Variants in LAMB4 observed in about 807,000 individuals in gnomAD.
LAMB4 encodes the protein laminin subunit beta 4.
In LAMB4, 196 loss-of-function variants were observed where a neutral mutation model predicts 199.2. The observed-to-expected ratio is 0.98, with a 90% CI of 0.88 to 1.11. The LOEUF (loss-of-function observed/expected upper bound fraction) is 1.11. Among genes scored for constraint, LAMB4 ranks in the 50% least tolerant of loss-of-function variants. The pLI is 0.00. For missense variants in LAMB4, 2,080 were observed against 2,171.2 expected, an observed-to-expected ratio of 0.96 and a Z score of 0.83; for synonymous variants, 744 against 770.6, an observed-to-expected ratio of 0.97 and a Z score of 0.57.
chr7:108,020,385 C>T (rs556863032), downstream of LAMB4, among the ~76,000 whole-genome samples: 43 of 147,674 alleles, frequency 2.9e-4, no homozygotes, highest in African/African-American at 9.5e-4. Flanking sequence ...CCAGGAGAAT[C>T]GTTTGAACCT....
At chr7:108,033,497 G>A (rs774431789) in intron 31 of LAMB4, among the ~76,000 whole-genome samples, 123 of 152,034 alleles carry the variant, frequency 8.1e-4, no homozygotes, top group Non-Finnish European at 4.1e-4. Context: ...TGCAACCTCC[G>A]CCCCCTGGAG....
chr7:108,104,348 A>C, intron 9 of LAMB4, 151 bp downstream of exon 9: 1 of 794,284 alleles, frequency 1.3e-6, no homozygotes, highest in Non-Finnish European at 1.9e-6. Flanking sequence ...TATGTGGGAT[A>C]ATTGGGAACA....
intron 30 of LAMB4, among the ~76,000 whole-genome samples, chr7:108,035,596 G>T (rs1356652300): frequency 1.5e-5 from 1 of 65,248 alleles, no homozygotes; most frequent in Non-Finnish European, 2.9e-5. Context: ...AGCAAATTTA[G>T]AGAGTACCAA....
the LAMB4 span, among the ~76,000 whole-genome samples, chr7:108,015,135 C>T: frequency 4.6e-5 from 7 of 152,156 alleles, no homozygotes; most frequent in Admixed American, 4.6e-4. Context: ...TTTCTTGTTT[C>T]CAAGTAAAAG....
At chr7:108,080,544 G>A (rs954473996) in intron 14 of LAMB4, among the ~76,000 whole-genome samples, 3 of 151,996 alleles carry the variant, frequency 2.0e-5, no homozygotes, top group Admixed American at 1.3e-4. Flanking sequence ...CTTTCTAACT[G>A]CCAACAGAAT....
At chr7:108,018,751 T>C (rs535418718), downstream of LAMB4, among the ~76,000 whole-genome samples, 3 of 152,246 alleles carry the variant, frequency 2.0e-5, no homozygotes, top group East Asian at 5.8e-4. Flanking sequence ...CTGCCTTCAA[T>C]GTTCAGTTGT....
intron 1 of LAMB4, among the ~76,000 whole-genome samples, chr7:108,126,311 G>A (rs73428721): frequency 0.037 from 5,612 of 152,002 alleles, 342 homozygotes; most frequent in African/African-American, 0.12. Context: ...GTGTGCAACC[G>A]ATCTCCAGAA....
At chr7:108,105,776 C>T in intron 8 of LAMB4, 41 bp downstream of exon 8, 1 of 1,548,928 alleles carries the variant, frequency 6.5e-7, no homozygotes, top group Middle Eastern at 1.7e-4. Context: ...CAGTGAAAGG[C>T]AGGTAGGACA....
At position 108,037,612 on chromosome 7, in the gene LAMB4, G is replaced by A. The variant is rs773768580; in HGVS notation, c.4472-17C>T. 9 of 1,592,622 alleles carry A rather than the reference G, an allele frequency of 5.7e-6. No individual in the cohort carries two copies. The highest frequency in any genetic ancestry group is 5.5e-5 in the South Asian group (5 of 90,512). The stretch of plus-strand genomic sequence containing the variant: ...CGTTTTCCTCTTAAATAAGAAGCAG[G>A]GTTTTAGGTAATCATGTCTCCTTAA... On this transcript the variant is annotated splice_polypyrimidine_tract_variant and intron_variant, in intron 29 of 33. Transcript: ENST00000388781.
At chr7:108,121,836 G>A (rs1407457037) in intron 2 of LAMB4, among the ~76,000 whole-genome samples, 2 of 151,870 alleles carry the variant, frequency 1.3e-5, no homozygotes, top group Non-Finnish European at 2.9e-5. Context: ...CACTTTTTAT[G>A]ATTATTTCTC....
chr7:108,012,604 A>AT, the LAMB4 span, among the ~76,000 whole-genome samples: 1 of 152,244 alleles, frequency 6.6e-6, no homozygotes, highest in African/African-American at 2.4e-5. Context: ...TAATGAATTT[A>AT]CTGAATGACA....
intron 2 of LAMB4, among the ~76,000 whole-genome samples, chr7:108,121,668 T>G (rs570543773): frequency 6.6e-6 from 1 of 151,852 alleles, no homozygotes; most frequent in African/African-American, 2.4e-5. Flanking sequence ...GAGAATTGCT[T>G]GAACCCAGGA....
intron 20 of LAMB4, 99 bp from the exon 21 acceptor site, chr7:108,066,018 A>T: frequency 8.5e-7 from 1 of 1,181,040 alleles, no homozygotes; most frequent in East Asian, 2.4e-5. Flanking sequence ...ACCTCTGAAA[A>T]CTGAATATTT....
At chr7:108,028,660 A>G (rs1035823860) in intron 33 of LAMB4, among the ~76,000 whole-genome samples, 3 of 151,926 alleles carry the variant, frequency 2.0e-5, no homozygotes, top group African/African-American at 7.3e-5. Context: ...TATTTTTAGT[A>G]GAAACGGGGT....
chr7:108,089,777 C>T (rs2037327696), intron 14 of LAMB4, among the ~76,000 whole-genome samples: 1 of 152,210 alleles, frequency 6.6e-6, no homozygotes, highest in Admixed American at 6.5e-5. Flanking sequence ...ATCCTTCTAC[C>T]TCAGCTTCCT....
At chr7:108,038,306 T>C (rs773882870) in intron 29 of LAMB4, among the ~76,000 whole-genome samples, 24 of 152,094 alleles carry the variant, frequency 1.6e-4, no homozygotes, top group Non-Finnish European at 2.9e-4. Context: ...ATTACAGGTA[T>C]GCACCACCAT....
At chr7:108,092,443 T>G in intron 12 of LAMB4, 27 bp from the exon 13 acceptor site, 1 of 1,553,156 alleles carries the variant, frequency 6.4e-7, no homozygotes, top group Non-Finnish European at 8.9e-7. Context: ...CTCAGCTGAT[T>G]CCAGCTATGA....
intron 1 of LAMB4, among the ~76,000 whole-genome samples, chr7:108,127,665 TCA>T (rs2038842168): frequency 6.6e-6 from 1 of 152,220 alleles, no homozygotes; most frequent in African/African-American, 2.4e-5. Context: ...ACCTACTGAT[TCA>T]CAGACTCTGG....
At chr7:108,077,141 T>A (rs930976064) in intron 16 of LAMB4, 77 bp from the exon 17 acceptor site, 59 of 1,466,896 alleles carry the variant, frequency 4.0e-5, no homozygotes, top group Non-Finnish European at 5.5e-5. Flanking sequence ...TAGTATTTGG[T>A]AGCATTGCAC....
Sources: allele counts gnomAD v4.1 joint callset (sites outside exome capture counted in the v4.1 genomes callset), GRCh38; gene constraint gnomAD v4.1.1; transcripts MANE v1.5; gene names NCBI Gene and HGNC (gene_info 2026-07-23, HGNC 2026-07-21).